ALDH1L1: variants seen among roughly 807,000 people sequenced by gnomAD.
The protein encoded by ALDH1L1 is cytosolic 10-formyltetrahydrofolate dehydrogenase.
In ALDH1L1, 68 loss-of-function variants were observed where a neutral mutation model predicts 101.1. The ratio of observed to expected loss-of-function variants is 0.67; its 90% confidence interval spans 0.55 to 0.82. The LOEUF is 0.82. Among genes scored for constraint, ALDH1L1 ranks in the 40% least tolerant of loss-of-function variants. The probability of loss-of-function intolerance (pLI) is 0.00; values close to 1 mark genes in which losing one functional copy is unlikely to be tolerated. For synonymous variants in ALDH1L1, 486 were observed against 470.8 expected (o/e 1.03, Z -0.42); for missense variants, 1,087 against 1,172.7 (o/e 0.93, Z 1.07).
Position 126,136,757 on chromosome 3 carries a change from C to A in ALDH1L1, c.1344+7G>T, listed in dbSNP as rs370101465. 2 of 1,564,058 alleles carry A rather than the reference C, an allele frequency of 1.3e-6. No individual in the cohort carries two copies. Among genetic ancestry groups the A allele is most frequent in the Non-Finnish European group, 1.7e-6 (2 of 1,153,576 alleles). On this transcript the variant is annotated splice_region_variant and intron_variant, in intron 11 of 22. Coordinates refer to ENST00000393434, the MANE Select transcript of ALDH1L1 (RefSeq NM_012190.4). ...ATGTGGAGAAGGGGTGCTGGGCCTGCACTCACACTTCCATCGGTGGGATTG... is the reference window on the plus strand; with the variant it reads ...ATGTGGAGAAGGGGTGCTGGGCCTGAACTCACACTTCCATCGGTGGGATTG...
chr3:126,135,498 G>A lies in ALDH1L1; in HGVS notation c.1472+37C>T, dbSNP rs369745670. On this transcript the variant is annotated intron_variant, in intron 12 of 22. Coordinates refer to ENST00000393434, the MANE Select transcript of ALDH1L1 (RefSeq NM_012190.4). ...CCCGTGCCACTGCCCAGAAGCTGAT[G>A]GTGGCAGTGGCTGGCAGGTACATGT... 1.6e-3 allele frequency: 2,607 copies of A among 1,593,706 alleles called. 8 individuals carry two copies. The highest frequency in any genetic ancestry group is 7.0e-3 in the Middle Eastern group (42 of 6,012).
At chr3:126,135,261 C>G (rs1237528722) in intron 12 of ALDH1L1, 1 of 313,184 alleles carries the variant, frequency 3.2e-6, no homozygotes, top group African/African-American at 2.2e-5. Flanking sequence ...GGAAGCATCC[C>G]TTGGCTTCCG....
At chr3:126,171,283 CGAGACTCTGTCTCAATAAATAAGT>C (rs2081271534) in intron 1 of ALDH1L1, among the ~76,000 whole-genome samples, 1 of 152,244 alleles carries the variant, frequency 6.6e-6, no homozygotes, top group Admixed American at 6.5e-5. Flanking sequence ...AGCGACAGAG[CGAGACTCTGTCTCAATAAATAAGT>C]AAAAACAGAC....
chr3:126,111,079 T>C (rs72965967), intron 19 of ALDH1L1, among the ~76,000 whole-genome samples: 8,233 of 152,300 alleles, frequency 0.054, 701 homozygotes, highest in African/African-American at 0.19. Flanking sequence ...CAGTAGTCCC[T>C]GGGTCTGTAT....
rs544696262 is a variant in ALDH1L1 at position 126,105,542 on chromosome 3, C to A, written c.2653+184G>T. ...CTTGCCTTCTTCCCAGCACGACCCC[C>A]CTCTGCAAGCATCTTGCTCACGGAC... On this transcript the variant is annotated intron_variant, in intron 22 of 22. Transcript: ENST00000393434. The A allele has an allele frequency of 8.9e-5, 63 of 707,746 alleles. No homozygotes were observed. In the Middle Eastern group the frequency reaches 9.4e-4, roughly 11 times the overall value. 43.8% of individuals were successfully genotyped at this position (707,746 alleles called of 1,614,324 possible).
intron 17 of ALDH1L1, among the ~76,000 whole-genome samples, chr3:126,115,679 A>G (rs969958385): frequency 1.3e-5 from 2 of 151,978 alleles, no homozygotes; most frequent in African/African-American, 4.8e-5. Flanking sequence ...GGTTCAAGCG[A>G]TTCTTCTACC....
chr3:126,117,952 TC>T, intron 17 of ALDH1L1, 52 bp downstream of exon 17: 2 of 1,514,096 alleles, frequency 1.3e-6, no homozygotes, highest in Non-Finnish European at 1.8e-6. Context: ...CACTGCCATG[TC>T]CCAGGCGCAG....
chr3:126,132,665 G>A (rs764817770), intron 12 of ALDH1L1, among the ~76,000 whole-genome samples: 7 of 152,088 alleles, frequency 4.6e-5, no homozygotes, highest in Non-Finnish European at 1.0e-4. Flanking sequence ...ATGGGAAGCC[G>A]ACCCAAATCC....
At chr3:126,182,292 A>T (rs182730952), upstream of ALDH1L1, among the ~76,000 whole-genome samples, 21 of 152,226 alleles carry the variant, frequency 1.4e-4, no homozygotes, top group East Asian at 3.7e-3. Context: ...GATTACAGGC[A>T]TGCGCCACCA....
At chr3:126,110,743 C>G (rs3772429) in intron 19 of ALDH1L1, among the ~76,000 whole-genome samples, 1 of 152,280 alleles carries the variant, frequency 6.6e-6, no homozygotes, top group East Asian at 1.9e-4. Context: ...GTGCCTCTGA[C>G]TGTCCTGTCT....
chr3:126,127,596 G>A (rs546743568), intron 14 of ALDH1L1, among the ~76,000 whole-genome samples: 4 of 152,286 alleles, frequency 2.6e-5, no homozygotes, highest in Middle Eastern at 3.4e-3. Flanking sequence ...TAGGGAGCTC[G>A]AGTGGCTGTT....
chr3:126,153,240 C>G (rs2080839378), intron 7 of ALDH1L1: 2 of 741,230 alleles, frequency 2.7e-6, no homozygotes, highest in South Asian at 3.3e-5. Flanking sequence ...TTTCCCAGAA[C>G]AGAGAAGTGG....
intron 22 of ALDH1L1, chr3:126,105,398 G>C: frequency 2.6e-6 from 1 of 379,684 alleles, no homozygotes. Context: ...AGAAACACGG[G>C]CCCCTGGGTC....
chr3:126,141,295 T>C (rs2080563072), intron 9 of ALDH1L1, among the ~76,000 whole-genome samples: 1 of 152,056 alleles, frequency 6.6e-6, no homozygotes, highest in African/African-American at 2.4e-5. Flanking sequence ...GTTAGCTACT[T>C]AGATGCCCAA....
chr3:126,135,679 G>C lies in ALDH1L1; in HGVS notation c.1345-17C>G, dbSNP rs774311206. The C allele has an allele frequency of 8.0e-6, 12 of 1,508,800 alleles. 1 individual carries two copies. In the South Asian group the frequency reaches 1.6e-4, roughly 20 times the overall value. The allele number at this position is 1,508,800 out of a possible 1,614,324, so 93.5% of individuals were successfully genotyped here. ...GCAGATGACCTATAGTGGAAGCAGA[G>C]CCATGACAAGTTCTCCCTAAGCCAG... is the stretch of plus-strand genomic sequence containing the variant. On this transcript the variant is annotated splice_polypyrimidine_tract_variant and intron_variant, in intron 11 of 22. Transcript: ENST00000393434.
At chr3:126,117,983 T>C (rs747826056) in intron 17 of ALDH1L1, 22 bp downstream of exon 17, 23 of 1,603,918 alleles carry the variant, frequency 1.4e-5, no homozygotes, top group Non-Finnish European at 2.0e-5. Context: ...GCCCCTCCTC[T>C]GCTCCACCCC....
intron 6 of ALDH1L1, 69 bp downstream of exon 6, chr3:126,154,485 T>G (rs1464746043): frequency 6.8e-7 from 1 of 1,467,622 alleles, no homozygotes; most frequent in Non-Finnish European, 9.5e-7. Context: ...TTCAAACATG[T>G]GTGACAGTTT....
intron 7 of ALDH1L1, chr3:126,151,604 T>C (rs1055424202): frequency 2.0e-5 from 3 of 152,350 alleles, no homozygotes; most frequent in African/African-American, 4.8e-5. Flanking sequence ...AAAAGAGTTA[T>C]GGATAAGCTC....
At chr3:126,157,072 C>G (rs4646704) in intron 4 of ALDH1L1, among the ~76,000 whole-genome samples, 8,697 of 152,242 alleles carry the variant, frequency 0.057, 341 homozygotes, top group Admixed American at 0.096. Flanking sequence ...CTTTAGCCTT[C>G]CTTGTCTATT....
Sources: gnomAD v4.1 joint callset for allele counts (sites outside exome capture counted in the v4.1 genomes callset) on GRCh38, gnomAD v4.1.1 for gene constraint, MANE v1.5 for transcripts, NCBI Gene and HGNC (gene_info 2026-07-23, HGNC 2026-07-21) for gene names.